The following RAB3B variants were observed in gnomAD, a reference collection of about 807,000 sequenced individuals.
The protein encoded by RAB3B is ras-related protein Rab-3B.
A neutral mutation model predicts 20.5 loss-of-function variants in RAB3B; 11 were observed. The ratio of observed to expected loss-of-function variants is 0.54; its 90% confidence interval spans 0.34 to 0.89. The LOEUF (loss-of-function observed/expected upper bound fraction) is 0.89, where lower values mean the gene tolerates loss of function less well. Among genes scored for constraint, RAB3B ranks in the 40% least tolerant of loss-of-function variants. The probability of loss-of-function intolerance (pLI) is 0.02; values close to 1 mark genes in which losing one functional copy is unlikely to be tolerated. For synonymous variants in RAB3B, 99 were observed against 106.3 expected (o/e 0.93, Z 0.42); for missense variants, 225 against 280.9 (o/e 0.80, Z 1.42).
intron 1 of RAB3B, among the ~76,000 whole-genome samples, chr1:51,979,136 G>T (rs1685049316): frequency 6.6e-6 from 1 of 152,128 alleles, no homozygotes; most frequent in Admixed American, 6.5e-5. Flanking sequence ...GCACTTACAT[G>T]GAGGAAGAAA....
In RAB3B at chr1:51,911,348, A is replaced by C. The variant is rs1440943754; in HGVS notation, c.*8579T>G. 1 of 152,230 alleles carries C rather than the reference A, an allele frequency of 6.6e-6. No homozygotes were observed. The highest frequency in any genetic ancestry group is 1.5e-5 in the Non-Finnish European group (1 of 68,050). The allele number at this position is 152,230 out of a possible 1,614,324, so 9.4% of individuals were successfully genotyped here. ...ATACATTCTGGATCAGAAAGTCTAT[A>C]TCAGTGGGATTTTCTGAATGACCCA... On this transcript the variant is annotated 3_prime_UTR_variant, in exon 5 of 5. Coordinates refer to ENST00000371655, the MANE Select transcript of RAB3B (RefSeq NM_002867.4).
At chr1:51,952,449 G>T (rs7541308) in intron 2 of RAB3B, among the ~76,000 whole-genome samples, 80,888 of 151,848 alleles carry the variant, frequency 0.53, 22,566 homozygotes, top group East Asian at 0.85. Context: ...TCCTTGCATT[G>T]TTCCTCAATG....
intron 2 of RAB3B, among the ~76,000 whole-genome samples, chr1:51,954,776 T>G (rs1426003794): frequency 6.6e-6 from 1 of 152,258 alleles, no homozygotes; most frequent in Non-Finnish European, 1.5e-5. Context: ...GATTCTCAGA[T>G]GTCCACTTTT....
chr1:51,957,004 T>TG (rs1483314578), intron 2 of RAB3B, among the ~76,000 whole-genome samples: 3 of 152,240 alleles, frequency 2.0e-5, no homozygotes, highest in African/African-American at 7.2e-5. Context: ...ATTGCCAACG[T>TG]GCTTGTCTTT....
intron 2 of RAB3B, among the ~76,000 whole-genome samples, chr1:51,966,109 C>T (rs1684848152): frequency 6.6e-6 from 1 of 152,236 alleles, no homozygotes; most frequent in Non-Finnish European, 1.5e-5. Context: ...CCAATCGCTG[C>T]AGAGCCTAGC....
At position 51,911,569 on chromosome 1, in the gene RAB3B, T is replaced by A. The variant is rs1233056693; in HGVS notation, c.*8358A>T. On this transcript the variant is annotated 3_prime_UTR_variant, in exon 5 of 5. Transcript: ENST00000371655. ...TTAGAAAGATACATTGAGCTTTCTATCAGAATCAAAGGAAGAGGTGATCAG... is the reference window on the plus strand; with the variant it reads ...TTAGAAAGATACATTGAGCTTTCTAACAGAATCAAAGGAAGAGGTGATCAG... 2.0e-5 allele frequency: 3 copies of A among 152,124 alleles called. No homozygotes were observed. The highest frequency in any genetic ancestry group is 2.9e-5 in the Non-Finnish European group (2 of 68,024). The allele number at this position is 152,124 out of a possible 1,614,324, so 9.4% of individuals were successfully genotyped here.
intron 3 of RAB3B, among the ~76,000 whole-genome samples, chr1:51,936,116 C>T (rs1684400424): frequency 6.6e-6 from 1 of 152,228 alleles, no homozygotes; most frequent in Non-Finnish European, 1.5e-5. Context: ...AAGCCCAGCA[C>T]TGGCCAGCAC....
In RAB3B at chr1:51,957,261, AT is replaced by A. The variant is rs569912178; in HGVS notation, c.228+19628del. Among the ~76,000 whole-genome samples the A allele has an allele frequency of 6.5e-3, 996 of 152,294 alleles. 14 individuals are homozygous for A. Among genetic ancestry groups the A allele is most frequent in the African/African-American group, 0.022 (927 of 41,544 alleles). On this transcript the variant is annotated intron_variant, in intron 2 of 4. Coordinates refer to ENST00000371655, the MANE Select transcript of RAB3B (RefSeq NM_002867.4). ...CCCTATGGGAACAAGACAAAAATAT[AT>A]TTTAACAATATTCCCTGCACTTTGG...
intron 4 of RAB3B, among the ~76,000 whole-genome samples, chr1:51,921,785 T>C (rs183263677): frequency 6.6e-5 from 10 of 152,352 alleles, no homozygotes; most frequent in African/African-American, 2.4e-4. Flanking sequence ...TTCTGTTCTT[T>C]CAACTTGTTC....
intron 1 of RAB3B, among the ~76,000 whole-genome samples, chr1:51,985,115 T>C (rs548103543): frequency 6.6e-6 from 1 of 152,304 alleles, no homozygotes; most frequent in African/African-American, 2.4e-5. Flanking sequence ...TTGGTACAAA[T>C]AGAAAGAGTA....
intron 2 of RAB3B, among the ~76,000 whole-genome samples, chr1:51,956,021 C>T (rs926923524): frequency 1.2e-4 from 18 of 152,122 alleles, no homozygotes; most frequent in African/African-American, 4.3e-4. Context: ...ATCTGAGGAG[C>T]GAGGAAGAGC....
At chr1:51,952,729 A>C (rs567265959) in intron 2 of RAB3B, among the ~76,000 whole-genome samples, 1 of 152,314 alleles carries the variant, frequency 6.6e-6, no homozygotes, top group East Asian at 1.9e-4. Flanking sequence ...AATGAAGAAA[A>C]ATGAAAATAA....
intron 2 of RAB3B, among the ~76,000 whole-genome samples, chr1:51,959,463 G>A (rs1684756804): frequency 6.6e-6 from 1 of 152,166 alleles, no homozygotes. Flanking sequence ...AGTGAGCCAT[G>A]TTCACACCAC....
intron 2 of RAB3B, among the ~76,000 whole-genome samples, chr1:51,970,734 G>A (rs997426609): frequency 8.6e-5 from 13 of 151,684 alleles, no homozygotes; most frequent in Admixed American, 2.6e-4. Context: ...GGCTGGGCAC[G>A]GTGGCTCACA....
At chr1:51,944,655 T>A (rs1431090523) in intron 2 of RAB3B, among the ~76,000 whole-genome samples, 1 of 152,206 alleles carries the variant, frequency 6.6e-6, no homozygotes, top group African/African-American at 2.4e-5. Flanking sequence ...ATCTAAGATC[T>A]TGTGGAAATA....
chr1:51,977,213 T>C, intron 1 of RAB3B, 96 bp from the exon 2 acceptor site: 4 of 860,140 alleles, frequency 4.7e-6, no homozygotes, highest in Non-Finnish European at 5.7e-6. Context: ...ACACACTCAC[T>C]CCTTACTCCA....
intron 2 of RAB3B, among the ~76,000 whole-genome samples, chr1:51,961,868 T>C (rs565014876): frequency 9.6e-4 from 146 of 152,280 alleles, no homozygotes; most frequent in African/African-American, 3.4e-3. Flanking sequence ...CCTCCTGAAC[T>C]TAAGTGATTC....
chr1:51,948,846 AG>A (rs1418198459), intron 2 of RAB3B, among the ~76,000 whole-genome samples: 30 of 152,382 alleles, frequency 2.0e-4, no homozygotes, highest in Middle Eastern at 3.4e-3. Context: ...CCACAAGAAC[AG>A]GATGTCTGGT....
In RAB3B at chr1:51,989,103, G is replaced by GCGCACACA. The variant is rs377673682; in HGVS notation, c.-1+1448_-1+1449insTGTGTGCG. ...CAGGTGGACACCCACCTGTGCGCGC[G>GCGCACACA]CACACACACACACACACACACACAC... is the stretch of plus-strand genomic sequence containing the variant. On this transcript the variant is annotated intron_variant, in intron 1 of 4. Coordinates refer to ENST00000371655, the MANE Select transcript of RAB3B (RefSeq NM_002867.4). 2.4e-3 allele frequency among the ~76,000 whole-genome samples: 319 copies of GCGCACACA among 132,756 alleles called. 8 individuals carry two copies. The highest frequency in any genetic ancestry group is 7.1e-3 in the African/African-American group (256 of 35,916). The allele number at this position is 132,756 out of a possible 152,430, so 87.1% of individuals were successfully genotyped here.
Sources: gnomAD v4.1 joint callset for allele counts (sites outside exome capture counted in the v4.1 genomes callset) on GRCh38, gnomAD v4.1.1 for gene constraint, MANE v1.5 for transcripts, NCBI Gene and HGNC (gene_info 2026-07-23, HGNC 2026-07-21) for gene names.